BST1: variants seen among roughly 807,000 people sequenced by gnomAD.
BST1 encodes bone marrow stromal cell antigen 1.
In BST1, 49 loss-of-function variants were observed where a neutral mutation model predicts 40.6. The ratio of observed to expected loss-of-function variants is 1.21; its 90% CI spans 0.96 to 1.53. The LOEUF (loss-of-function observed/expected upper bound fraction) is 1.53. BST1 is among the 40% of genes most tolerant of loss of function. The probability of loss-of-function intolerance (pLI) is 0.00; values close to 1 mark genes in which losing one functional copy is unlikely to be tolerated. For synonymous variants in BST1, 157 were observed against 159.3 expected (o/e 0.99, Z 0.11); for missense variants, 423 against 395.9 (o/e 1.07, Z -0.58).
chr4:15,711,664 A>T, intron 3 of BST1, 143 bp from the exon 4 acceptor site: 1 of 655,172 alleles, frequency 1.5e-6, no homozygotes, highest in Non-Finnish European at 2.7e-6. Flanking sequence ...ATTGAGTGGG[A>T]AGAACTGTGG....
At chr4:15,770,648 C>T in the BST1 span, among the ~76,000 whole-genome samples, 1 of 152,228 alleles carries the variant, frequency 6.6e-6, no homozygotes, top group South Asian at 2.1e-4. Flanking sequence ...TGCGGTGAGC[C>T]GAGATTGCAT....
chr4:15,736,113 G>A (rs1721553575), downstream of BST1: 2 of 1,288,744 alleles, frequency 1.6e-6, no homozygotes, highest in Non-Finnish European at 2.0e-6. Context: ...ACAACCGCCG[G>A]TTCTAGCCTT....
chr4:15,720,976 C>G (rs1002169291), intron 7 of BST1, among the ~76,000 whole-genome samples: 1 of 152,194 alleles, frequency 6.6e-6, no homozygotes, highest in African/African-American at 2.4e-5. Flanking sequence ...TCTCCTTGCC[C>G]CTCACGGCTG....
intron 8 of BST1, among the ~76,000 whole-genome samples, chr4:15,727,894 G>T (rs13101505): frequency 0.11 from 17,163 of 151,386 alleles, 1,244 homozygotes; most frequent in Middle Eastern, 0.22. Context: ...TACATCAAAG[G>T]GTACACTTAC....
rs1719634852 is a variant in BST1, at chr4:15,703,169, T to C, written c.25T>C (p.Ser9Pro). Residue 9 changes from serine (S) to proline (P), a missense_variant, in exon 1 of 9, where the codon TCG becomes CCG. Ser to Pro is a moderately conservative substitution (Grantham distance 74). Transcript: ENST00000265016. The stretch of plus-strand genomic sequence containing the variant: ...GATGGCGGCCCAGGGGTGCGCGGCA[T>C]CGCGGCTGCTCCAGCTGCTGCTGCA... MAAQGCAA[S>P]RLLQLLLQLL... 1 of 1,567,290 alleles carries C rather than the reference T, an allele frequency of 6.4e-7. No individual in the cohort carries two copies. Among genetic ancestry groups the C allele is most frequent in the Non-Finnish European group, 8.6e-7 (1 of 1,158,000 alleles).
rs904689579 is a variant in BST1, at chr4:15,729,870, C to A, written c.852-1870C>A. 2.0e-5 allele frequency among the ~76,000 whole-genome samples: 3 copies of A among 152,154 alleles called. No individual in the cohort carries two copies. In the East Asian group the frequency reaches 5.8e-4, roughly 29 times the overall value. On this transcript the variant is annotated intron_variant, in intron 8 of 8. Coordinates refer to ENST00000265016, the MANE Select transcript of BST1 (RefSeq NM_004334.3). Reference sequence around the variant, plus strand: ...AGAAATAGGTCTGAGAAAGTAAACTCCAAGCACCTAACTGTGGGTTCCTTC... The same window carrying A: ...AGAAATAGGTCTGAGAAAGTAAACTACAAGCACCTAACTGTGGGTTCCTTC...
the BST1 span, among the ~76,000 whole-genome samples, chr4:15,772,515 C>G: frequency 6.6e-6 from 1 of 152,206 alleles, no homozygotes; most frequent in Non-Finnish European, 1.5e-5. Flanking sequence ...TGCTGCCAAC[C>G]TAGCCTTGTG....
Position 15,719,002 on chromosome 4 carries a change from C to A in BST1, c.791+9C>A. The A allele has an allele frequency of 6.2e-7, 1 of 1,610,860 alleles. No individual in the cohort carries two copies. Among genetic ancestry groups the A allele is most frequent in the South Asian group, 1.1e-5 (1 of 90,732 alleles). Reference sequence around the variant, plus strand: ...TGTATTAATGATTACCGGTAGGTGGCCTATATATCAATGTGCTCTTGTAGA... The same window carrying A: ...TGTATTAATGATTACCGGTAGGTGGACTATATATCAATGTGCTCTTGTAGA... On this transcript the variant is annotated intron_variant, in intron 7 of 8. Coordinates refer to ENST00000265016, the MANE Select transcript of BST1 (RefSeq NM_004334.3).
the BST1 span, among the ~76,000 whole-genome samples, chr4:15,758,331 G>A: frequency 4.6e-5 from 7 of 152,004 alleles, no homozygotes; most frequent in African/African-American, 1.7e-4. Flanking sequence ...AGCGTCTATT[G>A]TTTCCATCTT....
chr4:15,721,281 C>T (rs1720794999), intron 7 of BST1, among the ~76,000 whole-genome samples: 1 of 152,176 alleles, frequency 6.6e-6, no homozygotes, highest in African/African-American at 2.4e-5. Flanking sequence ...GAAAGTTCTC[C>T]CTGAGGTTCT....
chr4:15,749,320 G>A, the BST1 span, among the ~76,000 whole-genome samples: 16 of 152,188 alleles, frequency 1.1e-4, no homozygotes, highest in African/African-American at 3.9e-4. Flanking sequence ...CGAGACACCA[G>A]CACTTTCTGC....
intron 4 of BST1, among the ~76,000 whole-genome samples, chr4:15,712,582 G>A (rs1427438275): frequency 1.3e-5 from 2 of 151,990 alleles, no homozygotes; most frequent in South Asian, 2.1e-4. Context: ...ACCCACCACC[G>A]CCAACCCCCT....
chr4:15,704,466 T>G (rs188861378), intron 1 of BST1, among the ~76,000 whole-genome samples: 182 of 99,906 alleles, frequency 1.8e-3, no homozygotes, highest in South Asian at 3.9e-3. Flanking sequence ...GTGTGTGTGT[T>G]TGTTCTAGAG....
Position 15,703,335 on chromosome 4 carries a change from GAGGCAGTCGGCCGGGTGGA to G in BST1, c.188+7_188+25del. ...GCACTGCTGAGTCCCGAGCAGCGGT[GAGGCAGTCGGCCGGGTGGA>G]AGGGGAGCCGGAAAGAGGCAACGGT... On this transcript the variant is annotated splice_donor_5th_base_variant and intron_variant, in intron 1 of 8. Transcript: ENST00000265016. The G allele has an allele frequency of 6.7e-7, 1 of 1,494,734 alleles. No individual in the cohort carries two copies. Among genetic ancestry groups the G allele is most frequent in the Non-Finnish European group, 8.8e-7 (1 of 1,131,818 alleles). 92.6% of individuals were successfully genotyped at this position (1,494,734 alleles called of 1,614,324 possible).
At chr4:15,713,521 G>T (rs1205558388) in intron 4 of BST1, among the ~76,000 whole-genome samples, 1 of 151,990 alleles carries the variant, frequency 6.6e-6, no homozygotes, top group East Asian at 1.9e-4. Flanking sequence ...GTGAGGCAGA[G>T]ACTTTTAACA....
the BST1 span, among the ~76,000 whole-genome samples, chr4:15,745,115 TAAAG>T: frequency 6.6e-6 from 1 of 152,148 alleles, no homozygotes; most frequent in Non-Finnish European, 1.5e-5. Context: ...TATTGATCAA[TAAAG>T]AAGTTGCAAA....
the BST1 span, among the ~76,000 whole-genome samples, chr4:15,756,216 G>A: frequency 2.6e-5 from 4 of 152,158 alleles, no homozygotes; most frequent in African/African-American, 9.7e-5. Context: ...GTTGGGGGAA[G>A]CTCTTCTCAT....
rs79180265 is a variant in BST1, at chr4:15,730,754, G to A, written c.852-986G>A. Reference sequence around the variant, plus strand: ...AATAGGAATTAGTTATATTGAGCAGGTTCAGCATGCATGTGTTCATTGCAT... The same window carrying A: ...AATAGGAATTAGTTATATTGAGCAGATTCAGCATGCATGTGTTCATTGCAT... On this transcript the variant is annotated intron_variant, in intron 8 of 8. Coordinates refer to ENST00000265016, the MANE Select transcript of BST1 (RefSeq NM_004334.3). Among the ~76,000 whole-genome samples the A allele has an allele frequency of 2.6e-3, 399 of 152,254 alleles. 2 individuals are homozygous for A. The highest frequency in any genetic ancestry group is 9.2e-3 in the African/African-American group (381 of 41,552).
intron 4 of BST1, among the ~76,000 whole-genome samples, chr4:15,712,277 T>A (rs554051012): frequency 6.6e-6 from 1 of 152,298 alleles, no homozygotes; most frequent in African/African-American, 2.4e-5. Context: ...GGATCAGAAA[T>A]GTCCACAAGA....
Sources: allele counts gnomAD v4.1 joint callset (sites outside exome capture counted in the v4.1 genomes callset), GRCh38; gene constraint gnomAD v4.1.1; transcripts MANE v1.5; gene names NCBI Gene and HGNC (gene_info 2026-07-23, HGNC 2026-07-21).